Variants in PTGER3 observed in about 807,000 individuals in gnomAD.
The protein encoded by PTGER3 is prostaglandin E2 receptor EP3 subtype.
Under a neutral mutation model 34.7 loss-of-function variants are expected in PTGER3, and 22 were observed. That is an observed-to-expected ratio of 0.63 (90% CI 0.45 to 0.91). The LOEUF is 0.91. Ranked by LOEUF, PTGER3 falls within the 40% of genes least tolerant of loss-of-function variation. The probability of loss-of-function intolerance (pLI) is 0.00; values close to 1 mark genes in which losing one functional copy is unlikely to be tolerated. For synonymous variants in PTGER3, 241 were observed against 230.1 expected, an observed-to-expected ratio of 1.05 and a Z score of -0.43; for missense variants, 468 against 519.4, an observed-to-expected ratio of 0.90 and a Z score of 0.96.
At chr1:70,950,029 G>C (rs190373121), downstream of PTGER3, among the ~76,000 whole-genome samples, 1 of 152,276 alleles carries the variant, frequency 6.6e-6, no homozygotes, top group Admixed American at 6.5e-5. Context: ...CAAATTCCCA[G>C]CACGTACTGG....
chr1:70,985,303 C>T (rs562101771), intron 2 of PTGER3, among the ~76,000 whole-genome samples: 34 of 152,208 alleles, frequency 2.2e-4, no homozygotes, highest in Admixed American at 7.8e-4. Flanking sequence ...AATTATGATT[C>T]CCTGACTCTC....
downstream of PTGER3, among the ~76,000 whole-genome samples, chr1:70,949,003 G>A (rs1557677792): frequency 6.6e-6 from 1 of 152,154 alleles, no homozygotes; most frequent in African/African-American, 2.4e-5. Flanking sequence ...TATTGGACTG[G>A]ATTCAAATAG....
chr1:70,996,749 C>T (rs1656006646), intron 2 of PTGER3, among the ~76,000 whole-genome samples: 1 of 151,774 alleles, frequency 6.6e-6, no homozygotes, highest in Admixed American at 6.6e-5. Context: ...CTGCAAGCTC[C>T]GCCTCCCAGG....
intron 4 of PTGER3, among the ~76,000 whole-genome samples, chr1:70,945,773 G>A (rs771137786): frequency 2.6e-5 from 4 of 152,026 alleles, no homozygotes; most frequent in Non-Finnish European, 4.4e-5. Flanking sequence ...GATGTAAATT[G>A]AAAGCATATT....
At chr1:71,044,882 T>C (rs553055730) in intron 1 of PTGER3, among the ~76,000 whole-genome samples, 2 of 152,344 alleles carry the variant, frequency 1.3e-5, no homozygotes, top group East Asian at 1.9e-4. Flanking sequence ...GGGACTCAAA[T>C]GACACTTGTG....
chr1:70,916,149 AT>A (rs1471505070), intron 4 of PTGER3, among the ~76,000 whole-genome samples: 1 of 151,974 alleles, frequency 6.6e-6, no homozygotes, highest in Non-Finnish European at 1.5e-5. Flanking sequence ...ACCACCACTA[AT>A]CATCAGATAA....
exon 4 of PTGER3, chr1:70,953,006 C>A (rs1306678169): frequency 1.9e-6 from 3 of 1,611,620 alleles, no homozygotes; most frequent in Non-Finnish European, 2.5e-6. Flanking sequence ...TTTGTACTTG[C>A]CCACAATGTG....
At chr1:70,865,955 T>A (rs1417643892) in intron 4 of PTGER3, 42 of 490,798 alleles carry the variant, frequency 8.6e-5, no homozygotes, top group Non-Finnish European at 1.3e-4. Flanking sequence ...TCCTACTCAT[T>A]TCTTCTTCAA....
chr1:70,871,155 G>A (rs1250840986), intron 4 of PTGER3, among the ~76,000 whole-genome samples: 1 of 152,148 alleles, frequency 6.6e-6, no homozygotes, highest in Non-Finnish European at 1.5e-5. Context: ...GCATGGTTCT[G>A]GCATCTGTTT....
At chr1:71,042,260 C>A (rs1660384393) in intron 1 of PTGER3, among the ~76,000 whole-genome samples, 1 of 148,900 alleles carries the variant, frequency 6.7e-6, no homozygotes, top group Non-Finnish European at 1.5e-5. Flanking sequence ...CTAGTGTGCA[C>A]CCTTTGTTCT....
rs1247442691 is a variant in PTGER3, at chr1:70,971,724, C to T, written c.*6G>A. The T allele has an allele frequency of 6.4e-7, 1 of 1,560,064 alleles. No homozygotes were observed. The highest frequency in any genetic ancestry group is 8.7e-7 in the Non-Finnish European group (1 of 1,151,814). Reference sequence around the variant, plus strand: ...TTGCAATAAAATGTCCAACTCCGTTCTTTCATTATCTGTTAGAATAGAGAG... The same window carrying T: ...TTGCAATAAAATGTCCAACTCCGTTTTTTCATTATCTGTTAGAATAGAGAG... On this transcript the variant is annotated 3_prime_UTR_variant, in exon 4 of 4. Coordinates refer to ENST00000306666, the MANE Select transcript of PTGER3 (RefSeq NM_198719.2).
Position 70,946,078 on chromosome 1 carries a change from T to A in PTGER3, c.*23+7685A>T, listed in dbSNP as rs141320841. Among the ~76,000 whole-genome samples, 993 of 152,182 alleles carry A rather than the reference T, an allele frequency of 6.5e-3. 9 individuals carry two copies. The highest frequency in any genetic ancestry group is 0.017 in the Middle Eastern group (5 of 294). Reference sequence around the variant, plus strand: ...AGGATGAGAGAGAAAATAAGAGGACTCTTGGGATTGTGTTGATATCTGCTT... The same window carrying A: ...AGGATGAGAGAGAAAATAAGAGGACACTTGGGATTGTGTTGATATCTGCTT... On this transcript the variant is annotated intron_variant, in intron 4 of 4. Transcript: ENST00000370931.
At chr1:71,037,928 G>C (rs1659979878) in intron 1 of PTGER3, among the ~76,000 whole-genome samples, 1 of 152,210 alleles carries the variant, frequency 6.6e-6, no homozygotes, top group Non-Finnish European at 1.5e-5. Context: ...GGAGCTGGCT[G>C]TTGAGGCATT....
At chr1:70,880,962 T>C (rs576303413) in intron 4 of PTGER3, among the ~76,000 whole-genome samples, 1 of 152,188 alleles carries the variant, frequency 6.6e-6, no homozygotes, top group African/African-American at 2.4e-5. Context: ...TCTAGTGAGA[T>C]TGGGAAAATT....
chr1:70,962,802 C>G (rs1308878592), intron 2 of PTGER3, among the ~76,000 whole-genome samples: 1 of 152,184 alleles, frequency 6.6e-6, no homozygotes, highest in African/African-American at 2.4e-5. Context: ...TCATTCCACT[C>G]TTGACCCCTC....
At chr1:70,966,607 AC>A (rs1652545973), downstream of PTGER3, among the ~76,000 whole-genome samples, 1 of 150,730 alleles carries the variant, frequency 6.6e-6, no homozygotes, top group South Asian at 2.1e-4. Context: ...CTCACCCCCG[AC>A]CCCCCAACAG....
At chr1:71,011,096 A>C in intron 2 of PTGER3, 1 of 985,790 alleles carries the variant, frequency 1.0e-6, no homozygotes, top group African/African-American at 1.7e-5. Context: ...GACATTTTTA[A>C]GAAGTGCAAT....
At chr1:70,979,829 C>G (rs963239962) in intron 2 of PTGER3, among the ~76,000 whole-genome samples, 4 of 152,138 alleles carry the variant, frequency 2.6e-5, no homozygotes, top group Non-Finnish European at 4.4e-5. Flanking sequence ...GCCTCACTAT[C>G]TAAAGAGATT....
At chr1:70,880,313 T>C (rs1646362335) in intron 4 of PTGER3, among the ~76,000 whole-genome samples, 1 of 152,090 alleles carries the variant, frequency 6.6e-6, no homozygotes, top group African/African-American at 2.4e-5. Context: ...CTGAAAATGA[T>C]ATTATTTCTC....
Sources: allele counts gnomAD v4.1 joint callset (sites outside exome capture counted in the v4.1 genomes callset), GRCh38; gene constraint gnomAD v4.1.1; transcripts MANE v1.5; gene names NCBI Gene and HGNC (gene_info 2026-07-23, HGNC 2026-07-21).